Variants in CTTNBP2 observed in about 807,000 individuals in gnomAD.
The protein encoded by CTTNBP2 is cortactin binding protein 2.
A neutral mutation model predicts 156.9 loss-of-function variants in CTTNBP2; 108 were observed. The ratio of observed to expected loss-of-function variants is 0.69; its 90% CI spans 0.59 to 0.81. The LOEUF is 0.81. Ranked by LOEUF, CTTNBP2 falls within the 30% of genes least tolerant of loss-of-function variation. The probability of loss-of-function intolerance (pLI) is 0.00; values close to 1 mark genes in which losing one functional copy is unlikely to be tolerated. For synonymous variants in CTTNBP2, 767 were observed against 751.8 expected (o/e 1.02, Z -0.33); for missense variants, 1,924 against 2,035.4 (o/e 0.95, Z 1.05).
chr7:117,855,239 G>A (rs1264049380), intron 2 of CTTNBP2, among the ~76,000 whole-genome samples: 1 of 151,594 alleles, frequency 6.6e-6, no homozygotes, highest in Non-Finnish European at 1.5e-5. Context: ...CATAAATAGA[G>A]GGACCTCATC....
Position 117,873,399 on chromosome 7 carries a change from G to C in CTTNBP2, c.17C>G (p.Ala6Gly). The change falls in exon 1 of 23, where the codon GCG becomes GGG. Residue 6 changes from alanine to glycine, a missense_variant. Transcript: ENST00000160373. ...CCGGGACAAGTCGGGCTCGCAGCTCGCGCCGTCCGTCGCCATCTTCCTGCT... is the reference window on the plus strand; with the variant it reads ...CCGGGACAAGTCGGGCTCGCAGCTCCCGCCGTCCGTCGCCATCTTCCTGCT... MATDGASCEPDLSRAP... is the reference protein window; with the variant it reads MATDGGSCEPDLSRAP... 2 of 1,492,462 alleles carry C rather than the reference G, an allele frequency of 1.3e-6. No homozygotes were observed. The highest frequency in any genetic ancestry group is 1.8e-6 in the Non-Finnish European group (2 of 1,128,076). 92.5% of individuals were successfully genotyped at this position (1,492,462 alleles called of 1,614,324 possible).
chr7:117,832,793 C>T (rs1801695344), intron 2 of CTTNBP2, among the ~76,000 whole-genome samples: 1 of 129,882 alleles, frequency 7.7e-6, no homozygotes, highest in African/African-American at 3.0e-5. Flanking sequence ...GTCGCCAGGG[C>T]TGGAGTACAG....
At chr7:117,800,164 C>G (rs7793937) in intron 3 of CTTNBP2, among the ~76,000 whole-genome samples, 13,065 of 151,668 alleles carry the variant, frequency 0.086, 762 homozygotes, top group African/African-American at 0.16. Context: ...TAGGGAAGCC[C>G]AAAGGATTTA....
chr7:117,724,533 C>A lies in CTTNBP2; in HGVS notation c.4447+14G>T, dbSNP rs767436511. ...CACCTCCTGGTAGGCAACATGCCTA[C>A]CCCCGCCCTTTACCTTCAGTGCTTA... is the stretch of plus-strand genomic sequence containing the variant. On this transcript the variant is annotated intron_variant, in intron 19 of 22. Transcript: ENST00000160373. 6 of 1,603,108 alleles carry A rather than the reference C, an allele frequency of 3.7e-6. No individual in the cohort carries two copies. Among genetic ancestry groups the A allele is most frequent in the Non-Finnish European group, 5.1e-6 (6 of 1,174,530 alleles).
Position 117,710,774 on chromosome 7 carries a change from A to AAAT in CTTNBP2, c.*760_*762dup, listed in dbSNP as rs145068601. 0.24 allele frequency: 36,112 copies of AAAT among 152,414 alleles called. 4,589 individuals carry two copies. The highest frequency in any genetic ancestry group is 0.25 in the Non-Finnish European group (16,927 of 67,892). The allele number at this position is 152,414 out of a possible 1,614,324, so 9.4% of individuals were successfully genotyped here. On this transcript the variant is annotated 3_prime_UTR_variant, in exon 23 of 23. Coordinates refer to ENST00000160373, the MANE Select transcript of CTTNBP2 (RefSeq NM_033427.3). Reference sequence around the variant, plus strand: ...TCAATATTATCAGTTGTGCTACTAGAAATATTGAAGGAGTTAATTCTGAAT... The same window carrying AAAT: ...TCAATATTATCAGTTGTGCTACTAGAAATAATATTGAAGGAGTTAATTCTGAAT...
At chr7:117,820,474 A>T (rs1800893272) in intron 2 of CTTNBP2, among the ~76,000 whole-genome samples, 1 of 152,216 alleles carries the variant, frequency 6.6e-6, no homozygotes, top group Admixed American at 6.5e-5. Flanking sequence ...GTCTAATTTG[A>T]AGTCTAAAGA....
chr7:117,727,336 C>G (rs1213061178), intron 17 of CTTNBP2, among the ~76,000 whole-genome samples: 1 of 152,086 alleles, frequency 6.6e-6, no homozygotes, highest in Non-Finnish European at 1.5e-5. Flanking sequence ...GCTGGGACTA[C>G]AGGTACATGC....
In CTTNBP2 at chr7:117,811,875, ATT is replaced by A. The variant is rs1363510780; in HGVS notation, c.190-888_190-887del. ...ATTTTAATGTAAAAATTTTAATTAA[ATT>A]AAAATTTTAATGTAAAAATTTTAAT... On this transcript the variant is annotated intron_variant, in intron 2 of 22. Coordinates refer to ENST00000160373, the MANE Select transcript of CTTNBP2 (RefSeq NM_033427.3). Among the ~76,000 whole-genome samples the A allele has an allele frequency of 4.5e-5, 6 of 132,368 alleles. 1 individual carries two copies. Among genetic ancestry groups the A allele is most frequent in the Non-Finnish European group, 1.6e-5 (1 of 62,258 alleles). The allele number at this position is 132,368 out of a possible 152,430, so 86.8% of individuals were successfully genotyped here.
chr7:117,853,019 T>C (rs143957077), intron 2 of CTTNBP2, among the ~76,000 whole-genome samples: 4 of 152,272 alleles, frequency 2.6e-5, no homozygotes, highest in East Asian at 3.9e-4. Flanking sequence ...AGAGATTTCA[T>C]AGGGATAAGA....
At chr7:117,777,901 A>G in intron 7 of CTTNBP2, 136 bp from the exon 8 acceptor site, 4 of 766,578 alleles carry the variant, frequency 5.2e-6, no homozygotes, top group Non-Finnish European at 8.5e-6. Context: ...AATCCTGAAC[A>G]TTATCACTGA....
At chr7:117,744,135 C>T (rs1200853971) in intron 14 of CTTNBP2, among the ~76,000 whole-genome samples, 1 of 151,958 alleles carries the variant, frequency 6.6e-6, no homozygotes, top group Admixed American at 6.6e-5. Flanking sequence ...GTATATTTAT[C>T]CCCTCAAGCA....
intron 2 of CTTNBP2, among the ~76,000 whole-genome samples, chr7:117,859,021 ACAGTC>A (rs1803523481): frequency 6.6e-6 from 1 of 152,166 alleles, no homozygotes; most frequent in South Asian, 2.1e-4. Context: ...GTCTTTCAGT[ACAGTC>A]ATGTCTGAGC....
chr7:117,858,474 A>G lies in CTTNBP2; in HGVS notation c.189+2735T>C, dbSNP rs1057129632. Among the ~76,000 whole-genome samples the G allele has an allele frequency of 8.5e-5, 13 of 152,374 alleles. No individual in the cohort carries two copies. The South Asian group carries it at 1.2e-3, about 15-fold the overall frequency. ...TGAACTGGAAGCTCTTATGCATGCCATATCTGTGGCCTTCAATAAGTCAGA... is the reference window on the plus strand; with the variant it reads ...TGAACTGGAAGCTCTTATGCATGCCGTATCTGTGGCCTTCAATAAGTCAGA... On this transcript the variant is annotated intron_variant, in intron 2 of 22. Coordinates refer to ENST00000160373, the MANE Select transcript of CTTNBP2 (RefSeq NM_033427.3).
In CTTNBP2 at chr7:117,725,163, G is replaced by T. The variant is rs1357122096; in HGVS notation, c.4150C>A (p.Gln1384Lys). 1.2e-6 allele frequency: 2 copies of T among 1,613,776 alleles called. No individual in the cohort carries two copies. Among genetic ancestry groups the T allele is most frequent in the Non-Finnish European group, 1.7e-6 (2 of 1,180,000 alleles). Residue 1384 changes from glutamine to lysine, a missense_variant, in exon 18 of 23, where the codon CAG becomes AAG. Coordinates refer to ENST00000160373, the MANE Select transcript of CTTNBP2 (RefSeq NM_033427.3). The part of the protein sequence containing the change: ...ASVKRQPGFG[Q>K]TTAKRHPSQG... The stretch of plus-strand genomic sequence containing the variant: ...CTAGGGTGTCTTTTAGCAGTTGTCT[G>T]CCCAAAGCCAGGTTGTCTTTTCACA...
At chr7:117,817,361 A>AAAATATAT (rs1554437688) in intron 2 of CTTNBP2, among the ~76,000 whole-genome samples, 1 of 53,284 alleles carries the variant, frequency 1.9e-5, no homozygotes. Flanking sequence ...AAAAAAAAAA[A>AAAATATAT]ATATATATAT....
At chr7:117,788,718 C>T (rs1322341194) in intron 4 of CTTNBP2, among the ~76,000 whole-genome samples, 1 of 152,208 alleles carries the variant, frequency 6.6e-6, no homozygotes, top group East Asian at 1.9e-4. Context: ...TAGAGTCGTA[C>T]ACCCCCATTG....
chr7:117,766,154 G>A (rs1370056221), intron 9 of CTTNBP2, among the ~76,000 whole-genome samples: 1 of 152,120 alleles, frequency 6.6e-6, no homozygotes, highest in Non-Finnish European at 1.5e-5. Context: ...GCATCAGCTT[G>A]TAATAAGAGA....
chr7:117,754,749 A>G (rs994794914), intron 12 of CTTNBP2, among the ~76,000 whole-genome samples: 1 of 152,258 alleles, frequency 6.6e-6, no homozygotes, highest in Admixed American at 6.5e-5. Context: ...ACTGAATTCA[A>G]TATAGAATCA....
chr7:117,866,416 C>A (rs35895632), intron 1 of CTTNBP2, among the ~76,000 whole-genome samples: 2 of 152,012 alleles, frequency 1.3e-5, no homozygotes, highest in East Asian at 1.9e-4. Context: ...CACATCCGTC[C>A]TATCAGGGCT....
Sources: allele counts gnomAD v4.1 joint callset (sites outside exome capture counted in the v4.1 genomes callset), GRCh38; gene constraint gnomAD v4.1.1; transcripts MANE v1.5; gene names NCBI Gene and HGNC (gene_info 2026-07-23, HGNC 2026-07-21).